The following ANXA2 variants were observed in gnomAD, a reference collection of about 807,000 sequenced individuals.
ANXA2 encodes the protein annexin II.
ANXA2 carries 28 observed loss-of-function variants against 47.3 expected under a neutral mutation model. The ratio of observed to expected loss-of-function variants is 0.59; its 90% CI spans 0.44 to 0.81. ANXA2 has a LOEUF of 0.81. Ranked by LOEUF, ANXA2 falls within the 40% of genes least tolerant of loss-of-function variation. The probability of loss-of-function intolerance (pLI) is 0.00; values close to 1 mark genes in which losing one functional copy is unlikely to be tolerated. For synonymous variants in ANXA2, 172 were observed against 155.5 expected, an observed-to-expected ratio of 1.11 and a Z score of -0.79; for missense variants, 384 against 414.3, an observed-to-expected ratio of 0.93 and a Z score of 0.64.
At position 60,347,606 on chromosome 15, in the gene ANXA2, T is replaced by C. The variant is rs763821017; in HGVS notation, c.*24A>G. On this transcript the variant is annotated 3_prime_UTR_variant, in exon 13 of 13. Transcript: ENST00000451270. ...CTGGAAGCATGGTGAGCACCATTTCTGGACGCTCAGGCCGTGTCGGGCTTC... is the reference window on the plus strand; with the variant it reads ...CTGGAAGCATGGTGAGCACCATTTCCGGACGCTCAGGCCGTGTCGGGCTTC... 3 of 1,612,694 alleles carry C rather than the reference T, an allele frequency of 1.9e-6. No homozygotes were observed. The Admixed American group carries it at 5.0e-5, about 27-fold the overall frequency.
intron 3 of ANXA2, among the ~76,000 whole-genome samples, chr15:60,371,069 C>T (rs1404080090): frequency 2.0e-5 from 3 of 152,010 alleles, no homozygotes; most frequent in African/African-American, 7.2e-5. Flanking sequence ...TACAGTTTTC[C>T]AACATTGGTG....
At chr15:60,390,517 T>C in intron 1 of ANXA2, 2 of 487,298 alleles carry the variant, frequency 4.1e-6, no homozygotes, top group Non-Finnish European at 8.1e-6. Flanking sequence ...GTGGGTAGAC[T>C]AAGGCAATTT....
chr15:60,397,351 G>A, intron 1 of ANXA2: 1 of 984,412 alleles, frequency 1.0e-6, no homozygotes, highest in Non-Finnish European at 1.2e-6. Context: ...AGAGCAAGGG[G>A]AATAACTGAC....
intron 4 of ANXA2, among the ~76,000 whole-genome samples, chr15:60,363,957 T>C (rs2062554485): frequency 6.6e-6 from 1 of 152,184 alleles, no homozygotes; most frequent in African/African-American, 2.4e-5. Context: ...AAGCACTCAA[T>C]AAATGGTGCC....
intron 3 of ANXA2, among the ~76,000 whole-genome samples, chr15:60,379,407 GA>G (rs1397750311): frequency 6.6e-6 from 1 of 152,176 alleles, no homozygotes; most frequent in Non-Finnish European, 1.5e-5. Flanking sequence ...AGACTTAACA[GA>G]AGTCAGTAAG....
chr15:60,364,210 G>A (rs983675882), intron 4 of ANXA2, among the ~76,000 whole-genome samples: 2 of 152,206 alleles, frequency 1.3e-5, no homozygotes, highest in Non-Finnish European at 2.9e-5. Context: ...CTCCTTATGA[G>A]AACCTAATGC....
rs143256132 is a variant in ANXA2, at chr15:60,379,890, G to C, written c.148+2452C>G. Among the ~76,000 whole-genome samples the C allele has an allele frequency of 2.7e-3, 409 of 152,286 alleles. 1 individual carries two copies. Among genetic ancestry groups the C allele is most frequent in the Middle Eastern group, 6.8e-3 (2 of 294 alleles). ...TGAAGGTATTTTTATTACCATGAGA[G>C]TTTCAGCTGTGACCAGAGTTCATTT... is the stretch of plus-strand genomic sequence containing the variant. On this transcript the variant is annotated intron_variant, in intron 3 of 12. Coordinates refer to ENST00000451270, the MANE Select transcript of ANXA2 (RefSeq NM_004039.3).
Position 60,379,147 on chromosome 15 carries a change from C to T in ANXA2, c.148+3195G>A, listed in dbSNP as rs553426056. Among the ~76,000 whole-genome samples the T allele has an allele frequency of 5.9e-5, 9 of 151,380 alleles. No individual in the cohort carries two copies. In the South Asian group the frequency reaches 6.3e-4, roughly 11 times the overall value. On this transcript the variant is annotated intron_variant, in intron 3 of 12. Transcript: ENST00000451270. ...TACAAAAATTAACCAGGTGTGGTGG[C>T]GCACACCTGTAATCCCAGCTACTCG...
intron 2 of ANXA2, chr15:60,383,495 G>A (rs2062891890): frequency 6.6e-6 from 1 of 152,230 alleles, no homozygotes; most frequent in African/African-American, 2.4e-5. Flanking sequence ...ATTCCAGATT[G>A]AGGTAAGGAC....
chr15:60,355,893 G>A (rs780397393), intron 7 of ANXA2, 26 bp downstream of exon 7: 2 of 1,593,758 alleles, frequency 1.3e-6, no homozygotes, highest in Admixed American at 3.3e-5. Flanking sequence ...GGAAGCAAGG[G>A]CAAAGAAAGA....
At chr15:60,392,826 G>A (rs965412997) in intron 1 of ANXA2, among the ~76,000 whole-genome samples, 1 of 151,662 alleles carries the variant, frequency 6.6e-6, no homozygotes, top group African/African-American at 2.4e-5. Flanking sequence ...TTCAAATGAA[G>A]ATTTTAAAGC....
At chr15:60,394,103 C>G (rs1156716956) in intron 1 of ANXA2, among the ~76,000 whole-genome samples, 13 of 152,154 alleles carry the variant, frequency 8.5e-5, no homozygotes, top group Non-Finnish European at 1.8e-4. Context: ...CCATGCCCCC[C>G]ACCTCTGTGC....
chr15:60,380,650 G>C (rs1202323524), intron 3 of ANXA2, among the ~76,000 whole-genome samples: 2 of 151,406 alleles, frequency 1.3e-5, no homozygotes, highest in African/African-American at 2.4e-5. Context: ...ACTAAAAACA[G>C]AAAATTAGCT....
intron 1 of ANXA2, 170 bp downstream of exon 1, chr15:60,397,773 C>A: frequency 8.9e-7 from 1 of 1,121,362 alleles, no homozygotes; most frequent in South Asian, 2.5e-5. Context: ...GTCCCTGAGC[C>A]CCCTCCCCAA....
intron 5 of ANXA2, 69 bp downstream of exon 5, chr15:60,360,872 C>A: frequency 1.0e-6 from 1 of 1,001,470 alleles, no homozygotes; most frequent in Non-Finnish European, 1.5e-6. Context: ...CACCAAATTA[C>A]ACTCAGAAAG....
chr15:60,359,364 G>T (rs942685935), intron 5 of ANXA2, among the ~76,000 whole-genome samples: 1 of 152,178 alleles, frequency 6.6e-6, no homozygotes, highest in Admixed American at 6.5e-5. Context: ...AGTGTTGATG[G>T]TCAGAAGAAA....
chr15:60,352,315 A>G lies in ANXA2; in HGVS notation c.682+68T>C. On this transcript the variant is annotated intron_variant, in intron 9 of 12. Coordinates refer to ENST00000451270, the MANE Select transcript of ANXA2 (RefSeq NM_004039.3). The surrounding 1 kb of genome is among the most constrained non-coding windows in gnomAD (Gnocchi z 4.2). The stretch of plus-strand genomic sequence containing the variant: ...TCATTCTGGCAGACTCCATCCCAAC[A>G]TGGACATCCACCCAGCCGCCCCAGC... The G allele has an allele frequency of 9.2e-7, 1 of 1,081,684 alleles. No individual in the cohort carries two copies. Among genetic ancestry groups the G allele is most frequent in the Non-Finnish European group, 1.4e-6 (1 of 716,298 alleles). The allele number at this position is 1,081,684 out of a possible 1,614,324, so 67.0% of individuals were successfully genotyped here. A position where few individuals can be genotyped will look rare whatever the true frequency, so the allele number is the denominator to read the frequency against.
At chr15:60,388,897 A>G (rs2062969644) in intron 1 of ANXA2, among the ~76,000 whole-genome samples, 1 of 93,432 alleles carries the variant, frequency 1.1e-5, no homozygotes, top group Non-Finnish European at 2.3e-5. Context: ...GTGTGCCACT[A>G]CACCTGGCTT....
At chr15:60,378,180 C>T (rs1010030693) in intron 3 of ANXA2, among the ~76,000 whole-genome samples, 2 of 152,152 alleles carry the variant, frequency 1.3e-5, no homozygotes, top group African/African-American at 4.8e-5. Flanking sequence ...GCAACTGACA[C>T]ATTTAAGGTG....
Sources: allele counts gnomAD v4.1 joint callset (sites outside exome capture counted in the v4.1 genomes callset), GRCh38; gene constraint gnomAD v4.1.1; non-coding constraint Gnocchi (gnomAD v3.1); transcripts MANE v1.5; gene names NCBI Gene and HGNC (gene_info 2026-07-23, HGNC 2026-07-21).